PCTP: variants seen among roughly 807,000 people sequenced by gnomAD.
The protein encoded by PCTP is START domain-containing protein 2.
Under a neutral mutation model 31.0 loss-of-function variants are expected in PCTP, and 27 were observed. The observed-to-expected ratio is 0.87, with a 90% CI of 0.64 to 1.20. PCTP has a LOEUF of 1.20. PCTP is among the 50% of genes most tolerant of loss of function. The probability of loss-of-function intolerance (pLI) is 0.00; values close to 1 mark genes in which losing one functional copy is unlikely to be tolerated. For missense variants in PCTP, 287 were observed against 268.2 expected (o/e 1.07, Z -0.49); for synonymous variants, 108 against 101.2 (o/e 1.07, Z -0.40).
chr17:55,801,898 A>G (rs1598006661), intron 3 of PCTP, among the ~76,000 whole-genome samples: 1 of 152,198 alleles, frequency 6.6e-6, no homozygotes, highest in East Asian at 1.9e-4. Flanking sequence ...GACATGAAAA[A>G]CCCTTCAAAA....
At chr17:55,805,107 GT>G (rs1447251450) in intron 3 of PCTP, among the ~76,000 whole-genome samples, 1 of 152,048 alleles carries the variant, frequency 6.6e-6, no homozygotes, top group African/African-American at 2.4e-5. Flanking sequence ...TTCTTGTTTT[GT>G]TTTGCTTTAA....
At chr17:55,786,196 T>C (rs1267861058) in intron 2 of PCTP, among the ~76,000 whole-genome samples, 1 of 151,882 alleles carries the variant, frequency 6.6e-6, no homozygotes, top group South Asian at 2.1e-4. Flanking sequence ...GGCACGAAAA[T>C]AACTTGAACC....
At chr17:55,758,620 G>A (rs1323179964) in intron 1 of PCTP, among the ~76,000 whole-genome samples, 1 of 152,180 alleles carries the variant, frequency 6.6e-6, no homozygotes, top group Non-Finnish European at 1.5e-5. Flanking sequence ...GGTCACTTAT[G>A]GAGCTGAAAT....
intron 5 of PCTP, among the ~76,000 whole-genome samples, chr17:55,835,040 C>T (rs989337336): frequency 4.6e-5 from 7 of 152,046 alleles, no homozygotes; most frequent in African/African-American, 1.4e-4. Flanking sequence ...GACACAGATG[C>T]GGAGACACAG....
chr17:55,807,560 A>C (rs908803801), intron 3 of PCTP, among the ~76,000 whole-genome samples: 1 of 152,182 alleles, frequency 6.6e-6, no homozygotes, highest in Admixed American at 6.6e-5. Context: ...TAAATCTCTG[A>C]CTGATACCCC....
chr17:55,818,122 T>C (rs1174390218), intron 3 of PCTP, among the ~76,000 whole-genome samples: 1 of 152,082 alleles, frequency 6.6e-6, no homozygotes. Context: ...AAAGTAAGAA[T>C]AGAAGTTAGC....
intron 3 of PCTP, among the ~76,000 whole-genome samples, chr17:55,821,615 T>C (rs1186420330): frequency 6.6e-6 from 1 of 152,238 alleles, no homozygotes; most frequent in Admixed American, 6.5e-5. Context: ...CTAAACTATG[T>C]AATCTTACCT....
At chr17:55,773,152 TGTA>T (rs1911103387) in intron 3 of PCTP, among the ~76,000 whole-genome samples, 1 of 152,238 alleles carries the variant, frequency 6.6e-6, no homozygotes, top group Admixed American at 6.5e-5. Context: ...GAAATATTCA[TGTA>T]GTCCCATGTC....
intron 2 of PCTP, chr17:55,769,395 C>T (rs888877059): frequency 5.3e-5 from 8 of 152,268 alleles, no homozygotes; most frequent in African/African-American, 1.9e-4. Context: ...CCAGGCCTCC[C>T]TTGCAGCCAA....
At chr17:55,838,175 A>G (rs978647900) in intron 5 of PCTP, among the ~76,000 whole-genome samples, 1 of 151,714 alleles carries the variant, frequency 6.6e-6, no homozygotes, top group Non-Finnish European at 1.5e-5. Context: ...AAACTTAATC[A>G]TATTTCAATC....
At chr17:55,841,253 GTA>G (rs1242061750) in intron 5 of PCTP, among the ~76,000 whole-genome samples, 1 of 152,150 alleles carries the variant, frequency 6.6e-6, no homozygotes, top group Non-Finnish European at 1.5e-5. Context: ...TGAGGCATTG[GTA>G]CTAGACGGGT....
intron 1 of PCTP, among the ~76,000 whole-genome samples, chr17:55,764,925 C>G (rs1910556452): frequency 6.6e-6 from 1 of 152,158 alleles, no homozygotes; most frequent in Non-Finnish European, 1.5e-5. Flanking sequence ...ATAATAGAGC[C>G]TTTAGGCAAA....
chr17:55,828,971 A>G (rs1905503141), intron 5 of PCTP, among the ~76,000 whole-genome samples: 2 of 152,174 alleles, frequency 1.3e-5, no homozygotes, highest in Admixed American at 1.3e-4. Context: ...TAAAAACGGA[A>G]GAGATGCAGA....
At chr17:55,819,841 A>G (rs374552842) in intron 3 of PCTP, among the ~76,000 whole-genome samples, 1 of 152,254 alleles carries the variant, frequency 6.6e-6, no homozygotes, top group Admixed American at 6.5e-5. Context: ...ATAGAATAGA[A>G]TTGAGGATCC....
At chr17:55,790,055 C>A (rs1188454171) in intron 3 of PCTP, among the ~76,000 whole-genome samples, 1 of 152,198 alleles carries the variant, frequency 6.6e-6, no homozygotes, top group East Asian at 1.9e-4. Flanking sequence ...ACAAAAACCA[C>A]ATGATTATCT....
rs1911345015 is a variant in PCTP at position 55,776,621 on chromosome 17, C to T, written c.*521C>T. On this transcript the variant is annotated 3_prime_UTR_variant, in exon 6 of 6. Transcript: ENST00000268896. Reference sequence around the variant, plus strand: ...CAGTGCACCCAAACTGGATGACGTGCCAATGTCCATTTGCCTTATGCTTTG... The same window carrying T: ...CAGTGCACCCAAACTGGATGACGTGTCAATGTCCATTTGCCTTATGCTTTG... 1 of 1,230,454 alleles carries T rather than the reference C, an allele frequency of 8.1e-7. No individual in the cohort carries two copies. Among genetic ancestry groups the T allele is most frequent in the South Asian group, 4.3e-5 (1 of 23,500 alleles). The allele number at this position is 1,230,454 out of a possible 1,614,324, so 76.2% of individuals were successfully genotyped here.
chr17:55,790,011 A>G (rs927532603), intron 3 of PCTP, among the ~76,000 whole-genome samples: 11 of 152,220 alleles, frequency 7.2e-5, no homozygotes, highest in African/African-American at 2.4e-4. Flanking sequence ...ATGAAAATCA[A>G]TAAATGTAAT....
chr17:55,811,967 G>A (rs906789221), intron 3 of PCTP, among the ~76,000 whole-genome samples: 4 of 152,322 alleles, frequency 2.6e-5, no homozygotes, highest in South Asian at 2.1e-4. Flanking sequence ...TGAGCACTCA[G>A]TATGTATCAA....
In PCTP at chr17:55,767,315, T is replaced by C. The variant is rs753520462; in HGVS notation, c.142-20T>C. On this transcript the variant is annotated intron_variant, in intron 1 of 5. Transcript: ENST00000268896. ...CAACTTGGGAACCAATAGACATTTC[T>C]ACCTGTTCTGTTTTTATAGAAGACT... The C allele has an allele frequency of 6.8e-7, 1 of 1,471,992 alleles. No homozygotes were observed. The highest frequency in any genetic ancestry group is 1.2e-5 in the South Asian group (1 of 86,688). 91.2% of individuals were successfully genotyped at this position (1,471,992 alleles called of 1,614,324 possible). A position where few individuals can be genotyped will look rare whatever the true frequency, so the allele number is the denominator to read the frequency against.
Sources: allele counts gnomAD v4.1 joint callset (sites outside exome capture counted in the v4.1 genomes callset), GRCh38; gene constraint gnomAD v4.1.1; transcripts MANE v1.5; gene names NCBI Gene and HGNC (gene_info 2026-07-23, HGNC 2026-07-21).